The following EPHA7 variants were observed in gnomAD, a reference collection of about 807,000 sequenced individuals.
The protein encoded by EPHA7 is EPH receptor A7.
EPHA7 carries 25 observed loss-of-function variants against 112.6 expected under a neutral mutation model. That is an observed-to-expected ratio of 0.22 (90% CI 0.16 to 0.31). EPHA7 has a LOEUF of 0.31. Ranked by LOEUF, EPHA7 falls within the 10% of genes least tolerant of loss-of-function variation. The pLI is 1.00. For missense variants in EPHA7, 962 were observed against 1,212.6 expected (o/e 0.79, Z 3.07); for synonymous variants, 437 against 406.5 (o/e 1.07, Z -0.90).
At chr6:93,392,873 A>G (rs552394026) in intron 3 of EPHA7, among the ~76,000 whole-genome samples, 1 of 152,020 alleles carries the variant, frequency 6.6e-6, no homozygotes, top group East Asian at 1.9e-4. Flanking sequence ...TGAAATCAAC[A>G]ATCAATTTTC....
intron 1 of EPHA7, among the ~76,000 whole-genome samples, chr6:93,415,495 T>C (rs1779178776): frequency 6.6e-6 from 1 of 152,066 alleles, no homozygotes; most frequent in Non-Finnish European, 1.5e-5. Context: ...ATGCGATTAA[T>C]TTAAAATGTA....
rs2127994500 is a variant in EPHA7, at chr6:93,410,644, A to C, written c.689T>G (p.Val230Gly). Residue 230 changes from valine (V) to glycine (G), a missense_variant, in exon 3 of 17, where the codon GTT becomes GGT. Coordinates refer to ENST00000369303, the MANE Select transcript of EPHA7 (RefSeq NM_004440.4). This position sits in a 1 kb window ranked among gnomAD's most constrained non-coding sequence, Gnocchi z 4.0. ...TGSEFSSLVE[V>G]RGTCVSSAEE... ...TGCACTGCTGACACATGTCCCTCGA[A>C]CCTCGACTAAAGAGGAAAATTCTGA... is the stretch of plus-strand genomic sequence containing the variant. 1.2e-6 allele frequency: 2 copies of C among 1,613,928 alleles called. No individual in the cohort carries two copies. The highest frequency in any genetic ancestry group is 1.7e-6 in the Non-Finnish European group (2 of 1,179,942).
At chr6:93,397,372 T>C (rs646079) in intron 3 of EPHA7, among the ~76,000 whole-genome samples, 41,824 of 151,708 alleles carry the variant, frequency 0.28, 7,114 homozygotes, top group African/African-American at 0.49. Flanking sequence ...AAAATTCTTC[T>C]TCCAATATGG....
intron 15 of EPHA7, 45 bp from the exon 16 acceptor site, chr6:93,245,498 C>T (rs766837679): frequency 1.3e-6 from 2 of 1,580,768 alleles, no homozygotes; most frequent in Non-Finnish European, 1.7e-6. Flanking sequence ...CCTGAAATAC[C>T]AAAGAAAGAA....
chr6:93,395,268 T>C (rs567587056), intron 3 of EPHA7, among the ~76,000 whole-genome samples: 24 of 151,912 alleles, frequency 1.6e-4, no homozygotes, highest in Non-Finnish European at 2.7e-4. Context: ...GTTTTAATAA[T>C]GTGAAAGATG....
rs1779146579 is a variant in EPHA7 at position 93,414,812 on chromosome 6, C to CATGAAACACTTAA, written c.98-46_98-45insTTAAGTGTTTCAT. On this transcript the variant is annotated intron_variant, in intron 1 of 16. Transcript: ENST00000369303. ...TTCCATATGTTACATGAAACACTTACGCACACATGTAGACATTTTTAAGGT... is the reference window on the plus strand; with the variant it reads ...TTCCATATGTTACATGAAACACTTACATGAAACACTTAAGCACACATGTAGACATTTTTAAGGT... The CATGAAACACTTAA allele has an allele frequency of 2.7e-6, 4 of 1,476,112 alleles. No individual in the cohort carries two copies. In the African/African-American group the frequency reaches 5.5e-5, roughly 20 times the overall value. The allele number at this position is 1,476,112 out of a possible 1,614,324, so 91.4% of individuals were successfully genotyped here.
intron 5 of EPHA7, among the ~76,000 whole-genome samples, chr6:93,350,703 T>G (rs573915150): frequency 6.6e-6 from 1 of 152,126 alleles, no homozygotes; most frequent in African/African-American, 2.4e-5. Context: ...TTTCAGAAAC[T>G]GTATGTTTTG....
chr6:93,264,478 A>G, intron 8 of EPHA7, 116 bp downstream of exon 8: 1 of 563,322 alleles, frequency 1.8e-6, no homozygotes, highest in South Asian at 2.8e-5. Flanking sequence ...AATGTTTTAT[A>G]TCAAAGAATG....
intron 3 of EPHA7, among the ~76,000 whole-genome samples, chr6:93,392,472 CT>C (rs1777959417): frequency 6.6e-6 from 1 of 151,990 alleles, no homozygotes; most frequent in Non-Finnish European, 1.5e-5. Flanking sequence ...AATTCCATGG[CT>C]CTCAGTTACA....
At position 93,410,607 on chromosome 6, in the gene EPHA7, C is replaced by A; in HGVS notation, c.726G>T (p.Ala242=). 2 of 1,613,988 alleles carry A rather than the reference C, an allele frequency of 1.2e-6. No individual in the cohort carries two copies. Among genetic ancestry groups the A allele is most frequent in the East Asian group, 4.5e-5 (2 of 44,850 alleles). ...GTCVSSAEEE[A]ENAPRMHCSA... Reference sequence around the variant, plus strand: ...TGCAGTGCATCCTGGGGGCGTTTTCCGCTTCTTCCTCTGCACTGCTGACAC... The same window carrying A: ...TGCAGTGCATCCTGGGGGCGTTTTCAGCTTCTTCCTCTGCACTGCTGACAC... The change falls in exon 3 of 17, where the codon GCG becomes GCT. Residue 242 remains alanine (A), a synonymous_variant. Coordinates refer to ENST00000369303, the MANE Select transcript of EPHA7 (RefSeq NM_004440.4). This position sits in a 1 kb window ranked among gnomAD's most constrained non-coding sequence, Gnocchi z 4.0.
chr6:93,334,815 T>C (rs946728359), intron 5 of EPHA7, among the ~76,000 whole-genome samples: 4 of 152,086 alleles, frequency 2.6e-5, no homozygotes, highest in Admixed American at 6.6e-5. Flanking sequence ...CATGAACATA[T>C]TTGCATGTTT....
intron 5 of EPHA7, among the ~76,000 whole-genome samples, chr6:93,303,841 C>G (rs984752377): frequency 1.3e-5 from 2 of 152,076 alleles, no homozygotes; most frequent in Non-Finnish European, 2.9e-5. Context: ...CACCTATCGT[C>G]TATAAGCCAC....
chr6:93,341,195 C>T (rs1417129960), intron 5 of EPHA7, among the ~76,000 whole-genome samples: 2 of 151,978 alleles, frequency 1.3e-5, no homozygotes, highest in Non-Finnish European at 1.5e-5. Context: ...GCCAATCCAT[C>T]TACTCTATAT....
intron 5 of EPHA7, among the ~76,000 whole-genome samples, chr6:93,334,415 G>A (rs2127908294): frequency 6.6e-6 from 1 of 151,904 alleles, no homozygotes; most frequent in South Asian, 2.1e-4. Context: ...TAAAGAGCCT[G>A]TGCACAGCAA....
Position 93,396,924 on chromosome 6 carries a change from ATATAT to A in EPHA7, c.832+13572_832+13576del, listed in dbSNP as rs1478991739. 3.3e-5 allele frequency among the ~76,000 whole-genome samples: 5 copies of A among 151,768 alleles called. No homozygotes were observed. In the South Asian group the frequency reaches 6.2e-4, roughly 19 times the overall value. On this transcript the variant is annotated intron_variant, in intron 3 of 16. Coordinates refer to ENST00000369303, the MANE Select transcript of EPHA7 (RefSeq NM_004440.4). ...AGACTGTAGAGAAAAATATATGATAATATATTATATGATTCTGAAATAGAATCTAT... is the reference window on the plus strand; with the variant it reads ...AGACTGTAGAGAAAAATATATGATAATATATGATTCTGAAATAGAATCTAT...
intron 5 of EPHA7, among the ~76,000 whole-genome samples, chr6:93,331,452 C>CAAAA (rs35947900): frequency 2.7e-5 from 4 of 145,626 alleles, no homozygotes; most frequent in African/African-American, 1.0e-4. Flanking sequence ...CAGAAAAATA[C>CAAAA]AAAAAAAAAA....
At chr6:93,415,488 C>T (rs554861572) in intron 1 of EPHA7, among the ~76,000 whole-genome samples, 10 of 151,762 alleles carry the variant, frequency 6.6e-5, no homozygotes, top group African/African-American at 2.4e-4. Flanking sequence ...AAGCATAATG[C>T]GATTAATTTA....
chr6:93,373,298 A>G (rs535309222), intron 3 of EPHA7, among the ~76,000 whole-genome samples: 25 of 152,156 alleles, frequency 1.6e-4, no homozygotes, highest in African/African-American at 5.8e-4. Context: ...TCCAAGAGCA[A>G]TAATTCTTGA....
Position 93,242,595 on chromosome 6 carries a change from G to A in EPHA7, c.*831C>T. The A allele has an allele frequency of 4.7e-6, 1 of 213,252 alleles. No individual in the cohort carries two copies. Among genetic ancestry groups the A allele is most frequent in the East Asian group, 7.1e-5 (1 of 14,136 alleles). The allele number at this position is 213,252 out of a possible 1,614,324, so 13.2% of individuals were successfully genotyped here. A position where few individuals can be genotyped will look rare whatever the true frequency, so the allele number is the denominator to read the frequency against. ...TTATATACTCATAAACCTAAACTTC[G>A]AGTTTATTAAATTCTTTCTAGTAAA... On this transcript the variant is annotated 3_prime_UTR_variant, in exon 17 of 17. Coordinates refer to ENST00000369303, the MANE Select transcript of EPHA7 (RefSeq NM_004440.4).
Sources: gnomAD v4.1 joint callset for allele counts (sites outside exome capture counted in the v4.1 genomes callset) on GRCh38, gnomAD v4.1.1 for gene constraint, Gnocchi (gnomAD v3.1) non-coding constraint, MANE v1.5 for transcripts, NCBI Gene and HGNC (gene_info 2026-07-23, HGNC 2026-07-21) for gene names.